The following NPL variants were observed in gnomAD, a reference collection of about 807,000 sequenced individuals.
NPL encodes N-acetylneuraminate lyase.
NPL carries 32 observed loss-of-function variants against 41.1 expected under a neutral mutation model. The observed-to-expected ratio is 0.78, with a 90% CI of 0.59 to 1.05. The LOEUF (loss-of-function observed/expected upper bound fraction) is 1.05, where lower values mean the gene tolerates loss of function less well. Ranked by LOEUF, NPL falls within the 50% of genes least tolerant of loss-of-function variation. The pLI is 0.00. For synonymous variants in NPL, 128 were observed against 134.9 expected, an observed-to-expected ratio of 0.95 and a Z score of 0.35; for missense variants, 321 against 378.4, an observed-to-expected ratio of 0.85 and a Z score of 1.26.
chr1:182,808,996 T>C (rs1352218442), intron 5 of NPL, among the ~76,000 whole-genome samples: 1 of 150,020 alleles, frequency 6.7e-6, no homozygotes, highest in Non-Finnish European at 1.5e-5. Flanking sequence ...AATTGATACC[T>C]TTGATGGAAG....
At chr1:182,792,549 G>A (rs1007909194) in intron 2 of NPL, among the ~76,000 whole-genome samples, 3 of 152,196 alleles carry the variant, frequency 2.0e-5, no homozygotes, top group Non-Finnish European at 2.9e-5. Context: ...TGTACTGAGG[G>A]TGGTCACATG....
chr1:182,802,222 C>A (rs1205378359), intron 3 of NPL, among the ~76,000 whole-genome samples: 1 of 152,186 alleles, frequency 6.6e-6, no homozygotes, highest in Non-Finnish European at 1.5e-5. Flanking sequence ...AGGCATGTGC[C>A]ATAATGAGGG....
chr1:182,789,967 T>C (rs1240603230), intron 1 of NPL, among the ~76,000 whole-genome samples, 162 bp downstream of exon 1: 4 of 152,158 alleles, frequency 2.6e-5, no homozygotes, highest in Non-Finnish European at 4.4e-5. Context: ...GAAACGGATC[T>C]GGGGAAGGTG....
At position 182,829,080 on chromosome 1, in the gene NPL, G is replaced by A; in HGVS notation, c.*172G>A. 10 of 1,434,460 alleles carry A rather than the reference G, an allele frequency of 7.0e-6. No individual in the cohort carries two copies. The highest frequency in any genetic ancestry group is 9.1e-6 in the Non-Finnish European group (10 of 1,100,572). The allele number at this position is 1,434,460 out of a possible 1,614,324, so 88.9% of individuals were successfully genotyped here. On this transcript the variant is annotated 3_prime_UTR_variant, in exon 13 of 13. Coordinates refer to ENST00000367553, the MANE Select transcript of NPL (RefSeq NM_030769.3). ...CCTTAAAAAGTCTTATTTTGTGAAG[G>A]GGCAAAAACTCTAGGAGTCACAACT...
intron 3 of NPL, among the ~76,000 whole-genome samples, chr1:182,796,487 C>T (rs1666670812): frequency 6.6e-6 from 1 of 152,234 alleles, no homozygotes; most frequent in Non-Finnish European, 1.5e-5. Context: ...TTCTCCTAAC[C>T]TGGCATGTAC....
intron 3 of NPL, among the ~76,000 whole-genome samples, chr1:182,798,026 A>G (rs1399669305): frequency 2.6e-5 from 4 of 152,194 alleles, no homozygotes; most frequent in Admixed American, 2.0e-4. Flanking sequence ...GTCAGTCATC[A>G]TGCAGGCATT....
chr1:182,817,717 C>T (rs1667374021), intron 8 of NPL, among the ~76,000 whole-genome samples: 1 of 152,168 alleles, frequency 6.6e-6, no homozygotes, highest in South Asian at 2.1e-4. Flanking sequence ...AACTCAAACA[C>T]TTTACTTACT....
chr1:182,812,747 A>G (rs1172076378), intron 6 of NPL, among the ~76,000 whole-genome samples: 1 of 152,072 alleles, frequency 6.6e-6, no homozygotes, highest in Non-Finnish European at 1.5e-5. Flanking sequence ...TAGCCAGAAT[A>G]TAGGAACAAG....
intron 6 of NPL, 56 bp from the exon 7 acceptor site, chr1:182,814,727 A>G (rs1306367007): frequency 4.4e-6 from 6 of 1,376,738 alleles, no homozygotes; most frequent in Non-Finnish European, 5.2e-6. Flanking sequence ...TATCTAAGCT[A>G]TAGGTGACTA....
Position 182,816,724 on chromosome 1 carries a change from T to A in NPL, c.375T>A (p.Ile125=). ...CTACTGTTCTTTCAGATATCCTGATTAATTTCCTAAAGGAAGTGGCTGCTG... is the reference window on the plus strand; with the variant it reads ...CTACTGTTCTTTCAGATATCCTGATAAATTTCCTAAAGGAAGTGGCTGCTG... The part of the protein sequence containing the change: ...FLKPWTKDIL[I]NFLKEVAAAA... Residue 125 remains isoleucine, a synonymous_variant, in exon 8 of 13, where the codon ATT becomes ATA. Transcript: ENST00000367553. The A allele has an allele frequency of 6.2e-7, 1 of 1,612,922 alleles. No individual in the cohort carries two copies. The highest frequency in any genetic ancestry group is 8.5e-7 in the Non-Finnish European group (1 of 1,179,064).
intron 3 of NPL, among the ~76,000 whole-genome samples, chr1:182,799,568 A>G (rs1030941448): frequency 6.6e-6 from 1 of 152,022 alleles, no homozygotes; most frequent in Non-Finnish European, 1.5e-5. Context: ...TACTTTCTAA[A>G]GTAAACTATA....
intron 4 of NPL, among the ~76,000 whole-genome samples, chr1:182,804,641 T>G (rs1666951859): frequency 6.6e-6 from 1 of 152,236 alleles, no homozygotes; most frequent in Admixed American, 6.5e-5. Context: ...CCTTGCTTAG[T>G]GTTCTGGGCT....
chr1:182,813,169 A>G (rs1424073673), intron 6 of NPL, among the ~76,000 whole-genome samples: 2 of 151,424 alleles, frequency 1.3e-5, no homozygotes, highest in South Asian at 2.1e-4. Flanking sequence ...AAAAAAAAAA[A>G]GCACAAAGAT....
intron 3 of NPL, 31 bp downstream of exon 3, chr1:182,794,470 A>T (rs12142654): frequency 0.061 from 97,808 of 1,603,524 alleles, 3,348 homozygotes; most frequent in Admixed American, 0.081. Context: ...TGAGGGGATC[A>T]GTTCTCATTC....
intron 5 of NPL, chr1:182,809,285 TC>T: frequency 2.3e-6 from 1 of 426,224 alleles, no homozygotes; most frequent in Non-Finnish European, 4.7e-6. Flanking sequence ...ACACCTGTAA[TC>T]CCAGCACTTT....
intron 12 of NPL, 149 bp downstream of exon 12, chr1:182,825,969 A>G (rs1667620964): frequency 1.3e-6 from 1 of 741,956 alleles, no homozygotes; most frequent in Non-Finnish European, 2.4e-6. Flanking sequence ...CTCGGGGCCA[A>G]CCATATAAAA....
chr1:182,818,110 A>G (rs771149103), intron 8 of NPL, among the ~76,000 whole-genome samples: 1 of 152,210 alleles, frequency 6.6e-6, no homozygotes, highest in African/African-American at 2.4e-5. Flanking sequence ...AGAAATATAC[A>G]TATCACTTTG....
chr1:182,826,167 A>G lies in NPL; in HGVS notation c.778+347A>G, dbSNP rs553952592. On this transcript the variant is annotated intron_variant, in intron 12 of 12. Transcript: ENST00000367553. ...AAGTGCTTGGAGGAAGGCAGTCTAAATACAGATTTTACTAAATTGTGAATG... is the reference window on the plus strand; with the variant it reads ...AAGTGCTTGGAGGAAGGCAGTCTAAGTACAGATTTTACTAAATTGTGAATG... 3.2e-5 allele frequency: 11 copies of G among 342,948 alleles called. No individual in the cohort carries two copies. In the East Asian group the frequency reaches 5.3e-4, roughly 17 times the overall value. 21.2% of individuals were successfully genotyped at this position (342,948 alleles called of 1,614,324 possible). A position where few individuals can be genotyped will look rare whatever the true frequency, so the allele number is the denominator to read the frequency against.
At chr1:182,816,563 TGCAGTA>T in intron 7 of NPL, 145 bp from the exon 8 acceptor site, 1 of 657,354 alleles carries the variant, frequency 1.5e-6, no homozygotes, top group Non-Finnish European at 2.8e-6. Flanking sequence ...GCAAAAACAT[TGCAGTA>T]GCAGTAGCAG....
Sources: gnomAD v4.1 joint callset for allele counts (sites outside exome capture counted in the v4.1 genomes callset) on GRCh38, gnomAD v4.1.1 for gene constraint, MANE v1.5 for transcripts, NCBI Gene and HGNC (gene_info 2026-07-23, HGNC 2026-07-21) for gene names.